ZNF532: variants seen among roughly 807,000 people sequenced by gnomAD.
The protein encoded by ZNF532 is zinc finger protein 532.
ZNF532 carries 22 observed loss-of-function variants against 89.3 expected under a neutral mutation model. The observed-to-expected ratio is 0.25, with a 90% CI of 0.18 to 0.35. ZNF532 has a LOEUF of 0.35. Ranked by LOEUF, ZNF532 falls within the 10% of genes least tolerant of loss-of-function variation. ZNF532 has a pLI of 1.00. For missense variants in ZNF532, 1,132 were observed against 1,643.4 expected (o/e 0.69, Z 5.38); for synonymous variants, 606 against 649.6 (o/e 0.93, Z 1.02).
In ZNF532 at chr18:58,888,773, TTA is replaced by T. The variant is rs1260512998; in HGVS notation, c.-18+23205_-18+23206del. On this transcript the variant is annotated intron_variant, in intron 2 of 9. Coordinates refer to ENST00000591808, the MANE Select transcript of ZNF532 (RefSeq NM_001375912.1). ...TATATATAAAATTAATATATATAAT[TTA>T]TATATATATAAAATATATATAATTT... Among the ~76,000 whole-genome samples the T allele has an allele frequency of 4.7e-3, 272 of 58,300 alleles. 42 individuals are homozygous for T. Among genetic ancestry groups the T allele is most frequent in the South Asian group, 0.028 (54 of 1,904 alleles). 38.2% of individuals were successfully genotyped at this position (58,300 alleles called of 152,430 possible).
intron 7 of ZNF532, among the ~76,000 whole-genome samples, 181 bp from the exon 8 acceptor site, chr18:58,978,870 TCTGA>T (rs757255088): frequency 8.5e-5 from 13 of 152,348 alleles, no homozygotes; most frequent in South Asian, 4.1e-4. Context: ...ATGACACAGT[TCTGA>T]CTGTGACCCG....
At chr18:58,953,922 C>T in intron 7 of ZNF532, 123 bp downstream of exon 7, 1 of 1,450,194 alleles carries the variant, frequency 6.9e-7, no homozygotes, top group Non-Finnish European at 9.1e-7. Context: ...TTAAAAATCA[C>T]TTGGTGTCTC....
intron 2 of ZNF532, chr18:58,916,837 A>G (rs777540162): frequency 4.7e-5 from 28 of 598,400 alleles, no homozygotes; most frequent in Non-Finnish European, 5.9e-5. Context: ...TGACCCTGGA[A>G]TAGTTACTTT....
intron 7 of ZNF532, among the ~76,000 whole-genome samples, chr18:58,954,769 G>A: frequency 6.8e-6 from 1 of 146,982 alleles, no homozygotes. Flanking sequence ...CTGAAATGCA[G>A]TGGCATGATC....
At chr18:58,891,638 G>A (rs1210263136) in intron 2 of ZNF532, among the ~76,000 whole-genome samples, 7 of 152,226 alleles carry the variant, frequency 4.6e-5, no homozygotes, top group Non-Finnish European at 1.0e-4. Context: ...TACTGTTAGT[G>A]TTGGTCTGTG....
At chr18:58,927,484 G>A (rs574666521) in intron 3 of ZNF532, among the ~76,000 whole-genome samples, 2 of 151,980 alleles carry the variant, frequency 1.3e-5, no homozygotes, top group African/African-American at 2.4e-5. Context: ...ATTTTGGGTT[G>A]CTAGCTTCTT....
chr18:58,958,000 A>G (rs1187664077), intron 7 of ZNF532, among the ~76,000 whole-genome samples: 1 of 149,276 alleles, frequency 6.7e-6, no homozygotes, highest in African/African-American at 2.5e-5. Context: ...CAGGAGGCGG[A>G]GGTTGCAGTG....
Position 58,918,782 on chromosome 18 carries a change from G to T in ZNF532, c.495G>T (p.Thr165=). The T allele has an allele frequency of 6.2e-7, 1 of 1,614,188 alleles. No homozygotes were observed. The highest frequency in any genetic ancestry group is 8.5e-7 in the Non-Finnish European group (1 of 1,180,044). The change falls in exon 3 of 10, where the codon ACG becomes ACT. Residue 165 remains threonine (T), a synonymous_variant. Coordinates refer to ENST00000591808, the MANE Select transcript of ZNF532 (RefSeq NM_001375912.1). ...MRSSFRSNVL[T]GSAPQQDYDK... is the part of the protein sequence containing the mutation. ...CAAGCTTCAGGTCGAATGTGTTGAC[G>T]GGGTCGGCTCCCCAGCAGGACTACG...
At chr18:58,898,295 A>G (rs538210528) in intron 2 of ZNF532, among the ~76,000 whole-genome samples, 1 of 152,324 alleles carries the variant, frequency 6.6e-6, no homozygotes, top group African/African-American at 2.4e-5. Context: ...TCTGTCTTAT[A>G]GAATAGGAAT....
chr18:58,881,951 C>G (rs968337716), intron 2 of ZNF532, among the ~76,000 whole-genome samples: 1 of 152,130 alleles, frequency 6.6e-6, no homozygotes, highest in Non-Finnish European at 1.5e-5. Flanking sequence ...AACCATCAAA[C>G]AAGGTTTTTT....
intron 7 of ZNF532, among the ~76,000 whole-genome samples, chr18:58,977,327 T>A (rs1218976055): frequency 6.6e-6 from 1 of 152,170 alleles, no homozygotes; most frequent in Non-Finnish European, 1.5e-5. Context: ...ATCCCCGTGT[T>A]CTCGAAGCGT....
chr18:58,920,951 A>G (rs1466698886), intron 3 of ZNF532, among the ~76,000 whole-genome samples: 3 of 151,984 alleles, frequency 2.0e-5, no homozygotes, highest in Non-Finnish European at 4.4e-5. Context: ...TTGTGGCAGC[A>G]GTGGCGTGTG....
rs1380147201 is a variant in ZNF532, at chr18:58,888,863, TATATA to T, written c.-18+23290_-18+23294del. ...AATTTATATATATATAATTTATATA[TATATA>T]ATATATATTATATATATATATTTTA... On this transcript the variant is annotated intron_variant, in intron 2 of 9. Transcript: ENST00000591808. Among the ~76,000 whole-genome samples the T allele has an allele frequency of 1.6e-4, 8 of 49,344 alleles. 1 individual carries two copies. Among genetic ancestry groups the T allele is most frequent in the South Asian group, 1.3e-3 (2 of 1,516 alleles). The allele number at this position is 49,344 out of a possible 152,430, so 32.4% of individuals were successfully genotyped here. A position where few individuals can be genotyped will look rare whatever the true frequency, so the allele number is the denominator to read the frequency against.
chr18:58,870,175 A>G (rs1007915754), intron 2 of ZNF532, among the ~76,000 whole-genome samples: 2 of 150,968 alleles, frequency 1.3e-5, no homozygotes, highest in Admixed American at 6.6e-5. Flanking sequence ...AAGAAGTGGG[A>G]CATGATGTTA....
At chr18:58,924,063 G>T (rs2061341241) in intron 3 of ZNF532, among the ~76,000 whole-genome samples, 1 of 152,160 alleles carries the variant, frequency 6.6e-6, no homozygotes, top group Non-Finnish European at 1.5e-5. Flanking sequence ...CACCATGTTG[G>T]CCGGGCTGGT....
At chr18:58,941,904 TTCCTTCCTTCCC>T (rs2063080725) in intron 5 of ZNF532, among the ~76,000 whole-genome samples, 1 of 150,776 alleles carries the variant, frequency 6.6e-6, no homozygotes, top group East Asian at 1.9e-4. Context: ...TTTTCCTTCC[TTCCTTCCTTCCC>T]TCCTTCCTTC....
In ZNF532 at chr18:58,885,207, T is replaced by C. The variant is rs2058212619; in HGVS notation, c.-18+19628T>C. Among the ~76,000 whole-genome samples, 2 of 152,198 alleles carry C rather than the reference T, an allele frequency of 1.3e-5. 1 individual carries two copies. The highest frequency in any genetic ancestry group is 4.1e-4 in the South Asian group (2 of 4,826). Reference sequence around the variant, plus strand: ...TTTCTGCATGTTGGTCAGGCTGGTCTCGAACTCCCGACCTCAGGTGATCTG... The same window carrying C: ...TTTCTGCATGTTGGTCAGGCTGGTCCCGAACTCCCGACCTCAGGTGATCTG... On this transcript the variant is annotated intron_variant, in intron 2 of 9. Transcript: ENST00000591808.
At chr18:58,934,235 C>CA (rs2062182508) in intron 3 of ZNF532, 198 bp from the exon 4 acceptor site, 7 of 519,850 alleles carry the variant, frequency 1.3e-5, no homozygotes, top group Admixed American at 3.2e-5. Context: ...CTAGATAGCA[C>CA]ATACTGTGAT....
intron 7 of ZNF532, among the ~76,000 whole-genome samples, chr18:58,962,743 A>G (rs1232471799): frequency 6.6e-6 from 1 of 151,978 alleles, no homozygotes; most frequent in Admixed American, 6.6e-5. Context: ...CTGGGACTAC[A>G]GGCGCCCACC....
Sources: gnomAD v4.1 joint callset for allele counts (sites outside exome capture counted in the v4.1 genomes callset) on GRCh38, gnomAD v4.1.1 for gene constraint, MANE v1.5 for transcripts, NCBI Gene and HGNC (gene_info 2026-07-23, HGNC 2026-07-21) for gene names.